PBX3: variants seen among roughly 807,000 people sequenced by gnomAD.
The protein encoded by PBX3 is PBX homeobox 3, also known as pre-B-cell leukemia transcription factor 3.
In PBX3, 14 loss-of-function variants were observed where a neutral mutation model predicts 48.5. The ratio of observed to expected loss-of-function variants is 0.29; its 90% CI spans 0.19 to 0.45. The LOEUF (loss-of-function observed/expected upper bound fraction) is 0.45, where lower values mean the gene tolerates loss of function less well. Among genes scored for constraint, PBX3 ranks in the 20% least tolerant of loss-of-function variants. The pLI, the probability that PBX3 is intolerant of heterozygous loss-of-function variation, is 1.00. For missense variants in PBX3, 386 were observed against 546.7 expected, an observed-to-expected ratio of 0.71 and a Z score of 2.93; for synonymous variants, 210 against 200.3, an observed-to-expected ratio of 1.05 and a Z score of -0.41.
intron 5 of PBX3, among the ~76,000 whole-genome samples, chr9:125,940,449 G>T (rs1473586997): frequency 2.0e-5 from 3 of 152,180 alleles, no homozygotes; most frequent in African/African-American, 7.2e-5. Context: ...CAAATACTGT[G>T]CTAGGGATGA....
At chr9:125,957,095 A>G in intron 5 of PBX3, among the ~76,000 whole-genome samples, 1 of 152,254 alleles carries the variant, frequency 6.6e-6, no homozygotes, top group East Asian at 1.9e-4. Flanking sequence ...TGTGGTCTTA[A>G]TAGCTGATTG....
chr9:125,862,646 A>G (rs1418215864), intron 2 of PBX3, among the ~76,000 whole-genome samples: 2 of 152,090 alleles, frequency 1.3e-5, no homozygotes, highest in South Asian at 2.1e-4. Context: ...TGGACTCCCA[A>G]AGTGCTGGGA....
chr9:125,856,012 T>G (rs1839711175), intron 2 of PBX3, among the ~76,000 whole-genome samples: 1 of 152,114 alleles, frequency 6.6e-6, no homozygotes, highest in South Asian at 2.1e-4. Context: ...TGTCATACAA[T>G]TTTTATGGAC....
At chr9:125,910,207 A>G (rs1841170939) in intron 2 of PBX3, among the ~76,000 whole-genome samples, 1 of 152,198 alleles carries the variant, frequency 6.6e-6, no homozygotes, top group African/African-American at 2.4e-5. Context: ...AGATTTGGGC[A>G]GTGAAGTAAT....
At chr9:125,848,111 A>G (rs1041645921) in intron 2 of PBX3, among the ~76,000 whole-genome samples, 1 of 152,002 alleles carries the variant, frequency 6.6e-6, no homozygotes, top group East Asian at 1.9e-4. Context: ...AAATATTTCC[A>G]TCTCTGCTTT....
chr9:125,966,466 G>A lies in PBX3; in HGVS notation c.*543G>A, dbSNP rs1383451976. The A allele has an allele frequency of 6.5e-6, 1 of 152,674 alleles. No homozygotes were observed. Among genetic ancestry groups the A allele is most frequent in the African/African-American group, 2.4e-5 (1 of 41,452 alleles). The allele number at this position is 152,674 out of a possible 1,614,324, so 9.5% of individuals were successfully genotyped here. A position where few individuals can be genotyped will look rare whatever the true frequency, so the allele number is the denominator to read the frequency against. On this transcript the variant is annotated 3_prime_UTR_variant, in exon 9 of 9. Coordinates refer to ENST00000373489, the MANE Select transcript of PBX3 (RefSeq NM_006195.6). ...TCACGTTTGTGTTCAGATCTCTTAT[G>A]TTATAATTAGATCAGAGACTGGTAG...
chr9:125,903,221 C>G (rs1028472067), intron 2 of PBX3, among the ~76,000 whole-genome samples: 2 of 151,778 alleles, frequency 1.3e-5, no homozygotes, highest in Non-Finnish European at 2.9e-5. Context: ...TTGATTAGGA[C>G]TACTAGTTGA....
chr9:125,834,694 G>T (rs901848647), intron 2 of PBX3, among the ~76,000 whole-genome samples: 13 of 150,272 alleles, frequency 8.7e-5, no homozygotes, highest in African/African-American at 2.7e-4. Context: ...CACCTCACCC[G>T]ACCAATTATT....
intron 5 of PBX3, 83 bp from the exon 6 acceptor site, chr9:125,960,601 G>A: frequency 8.3e-7 from 1 of 1,204,720 alleles, no homozygotes; most frequent in Non-Finnish European, 1.2e-6. Flanking sequence ...CCAAGGTATT[G>A]CCTTGGTGTC....
At chr9:125,788,147 T>C (rs948524225) in intron 2 of PBX3, among the ~76,000 whole-genome samples, 13 of 152,216 alleles carry the variant, frequency 8.5e-5, no homozygotes, top group Non-Finnish European at 1.5e-4. Flanking sequence ...TCTTAGATAA[T>C]TAGTTGTTTA....
chr9:125,829,859 C>A (rs971265806), intron 2 of PBX3, among the ~76,000 whole-genome samples: 2 of 152,180 alleles, frequency 1.3e-5, no homozygotes, highest in Non-Finnish European at 2.9e-5. Flanking sequence ...CATCCCTTAC[C>A]GACATCTGGA....
chr9:125,832,203 T>C (rs1212837790), intron 2 of PBX3, among the ~76,000 whole-genome samples: 1 of 38,608 alleles, frequency 2.6e-5, no homozygotes, highest in East Asian at 1.2e-3. Flanking sequence ...CTTTTCTTTC[T>C]TTTTTTTTTT....
intron 2 of PBX3, among the ~76,000 whole-genome samples, chr9:125,771,066 T>C (rs190315400): frequency 2.6e-5 from 4 of 152,320 alleles, no homozygotes; most frequent in East Asian, 3.9e-4. Flanking sequence ...TGGGAAGATA[T>C]ATGTGTTGGT....
intron 2 of PBX3, among the ~76,000 whole-genome samples, chr9:125,756,217 A>G (rs1836515315): frequency 6.6e-6 from 1 of 152,158 alleles, no homozygotes. Flanking sequence ...TCTTATAGGT[A>G]AGATTACTGA....
intron 2 of PBX3, among the ~76,000 whole-genome samples, chr9:125,772,418 G>A (rs985847289): frequency 2.6e-5 from 4 of 152,150 alleles, no homozygotes; most frequent in African/African-American, 9.7e-5. Context: ...TCTAATTGAT[G>A]TTCACTTTGG....
chr9:125,827,192 T>G (rs10986961), intron 2 of PBX3, among the ~76,000 whole-genome samples: 8,995 of 152,240 alleles, frequency 0.059, 606 homozygotes, highest in East Asian at 0.17. Flanking sequence ...TTTGAATGAA[T>G]TATTAGTGGT....
rs11792188 is a variant in PBX3 at position 125,835,051 on chromosome 9, A to G, written c.275-80635A>G. On this transcript the variant is annotated intron_variant, in intron 2 of 8. Coordinates refer to ENST00000373489, the MANE Select transcript of PBX3 (RefSeq NM_006195.6). The stretch of plus-strand genomic sequence containing the variant: ...AAAAAAAAAAAAAAAAAAAAAAAAA[A>G]GGGCAAAAGATATGAAAAGACAAGT... Among the ~76,000 whole-genome samples, 152 of 108,002 alleles carry G rather than the reference A, an allele frequency of 1.4e-3. 3 individuals are homozygous for G. Among genetic ancestry groups the G allele is most frequent in the African/African-American group, 5.0e-3 (133 of 26,344 alleles). The allele number at this position is 108,002 out of a possible 152,430, so 70.9% of individuals were successfully genotyped here.
chr9:125,823,970 G>A lies in PBX3; in HGVS notation c.274+75347G>A, dbSNP rs1336057865. 2.0e-5 allele frequency among the ~76,000 whole-genome samples: 3 copies of A among 152,026 alleles called. No individual in the cohort carries two copies. The East Asian group carries it at 5.8e-4, about 29-fold the overall frequency. ...CCGCACCTGTAGTCCCAGCCACTCAGGAGGCTGAGGCAGGAGAATTGCTTG... is the reference window on the plus strand; with the variant it reads ...CCGCACCTGTAGTCCCAGCCACTCAAGAGGCTGAGGCAGGAGAATTGCTTG... On this transcript the variant is annotated intron_variant, in intron 2 of 8. Coordinates refer to ENST00000373489, the MANE Select transcript of PBX3 (RefSeq NM_006195.6).
chr9:125,891,774 G>C (rs1355095175), intron 2 of PBX3, among the ~76,000 whole-genome samples: 1 of 152,124 alleles, frequency 6.6e-6, no homozygotes, highest in Non-Finnish European at 1.5e-5. Flanking sequence ...TCCTAAGTAT[G>C]TAGTCCCAGA....
Sources: allele counts gnomAD v4.1 joint callset (sites outside exome capture counted in the v4.1 genomes callset), GRCh38; gene constraint gnomAD v4.1.1; transcripts MANE v1.5; gene names NCBI Gene and HGNC (gene_info 2026-07-23, HGNC 2026-07-21).